The following CAMK4 variants were observed in gnomAD, a reference collection of about 807,000 sequenced individuals.
The protein encoded by CAMK4 is calcium/calmodulin dependent protein kinase IV.
In CAMK4, 22 loss-of-function variants were observed where a neutral mutation model predicts 44.9. The observed-to-expected ratio is 0.49, with a 90% CI of 0.35 to 0.70. The LOEUF is 0.70. CAMK4 is among the 30% of genes least tolerant of loss of function. CAMK4 has a pLI of 0.01. For synonymous variants in CAMK4, 218 were observed against 215.4 expected (o/e 1.01, Z -0.11); for missense variants, 498 against 586.8 (o/e 0.85, Z 1.56).
intron 1 of CAMK4, among the ~76,000 whole-genome samples, chr5:111,256,982 C>T (rs1348477256): frequency 1.3e-5 from 2 of 152,092 alleles, no homozygotes; most frequent in South Asian, 2.1e-4. Flanking sequence ...TTTCTTTACA[C>T]CTTATACAAA....
At chr5:111,355,318 G>T (rs1158965470) in intron 2 of CAMK4, among the ~76,000 whole-genome samples, 1 of 152,034 alleles carries the variant, frequency 6.6e-6, no homozygotes, top group Non-Finnish European at 1.5e-5. Flanking sequence ...ATGTATATAA[G>T]AGAGCAAAGG....
intron 1 of CAMK4, among the ~76,000 whole-genome samples, chr5:111,309,088 A>G (rs1748087347): frequency 6.6e-6 from 1 of 152,182 alleles, no homozygotes; most frequent in Non-Finnish European, 1.5e-5. Flanking sequence ...TTGAGTTCAA[A>G]CAAACAAAGC....
chr5:111,491,671 T>G lies in CAMK4; in HGVS notation c.*7205T>G, dbSNP rs983786565. 5 of 152,204 alleles carry G rather than the reference T, an allele frequency of 3.3e-5. No homozygotes were observed. The highest frequency in any genetic ancestry group is 1.2e-4 in the African/African-American group (5 of 41,462). 9.4% of individuals were successfully genotyped at this position (152,204 alleles called of 1,614,324 possible). On this transcript the variant is annotated 3_prime_UTR_variant, in exon 11 of 11. Coordinates refer to ENST00000282356, the MANE Select transcript of CAMK4 (RefSeq NM_001744.6). ...AGAATTAAAAAGATTTCTAGCACTT[T>G]GAGCATGTTTTAGAAATTTGATCCT...
rs576984799 is a variant in CAMK4, at chr5:111,405,259, A to G, written c.459+10477A>G. 3.9e-5 allele frequency among the ~76,000 whole-genome samples: 6 copies of G among 152,280 alleles called. No individual in the cohort carries two copies. The South Asian group carries it at 1.0e-3, about 26-fold the overall frequency. The stretch of plus-strand genomic sequence containing the variant: ...CCAAGGCGGGCGGATCACAAGGTCA[A>G]GAAATTGAGACCATCCTGGCCAACG... On this transcript the variant is annotated intron_variant, in intron 5 of 10. Transcript: ENST00000282356.
chr5:111,281,418 AG>A (rs1237453005), intron 1 of CAMK4, among the ~76,000 whole-genome samples: 1 of 152,188 alleles, frequency 6.6e-6, no homozygotes, highest in Non-Finnish European at 1.5e-5. Context: ...ATTCTAGCCT[AG>A]ATATTGCTTG....
chr5:111,377,958 T>C lies in CAMK4; in HGVS notation c.386+1016T>C, dbSNP rs555424869. On this transcript the variant is annotated intron_variant, in intron 4 of 10. Transcript: ENST00000282356. ...TGAATGGACTCTGAGGAGAAATATC[T>C]AAAGGGGATTAGTTTTGAATGCGTT... is the stretch of plus-strand genomic sequence containing the variant. Among the ~76,000 whole-genome samples the C allele has an allele frequency of 6.6e-5, 10 of 152,210 alleles. No homozygotes were observed. In the South Asian group the frequency reaches 2.1e-3, roughly 32 times the overall value.
intron 1 of CAMK4, among the ~76,000 whole-genome samples, chr5:111,292,494 A>G (rs1275101137): frequency 6.6e-6 from 1 of 152,148 alleles, no homozygotes; most frequent in Non-Finnish European, 1.5e-5. Flanking sequence ...ATACAGTAAA[A>G]GCCCACCTTA....
At chr5:111,258,397 A>C (rs964466549) in intron 1 of CAMK4, among the ~76,000 whole-genome samples, 1 of 152,152 alleles carries the variant, frequency 6.6e-6, no homozygotes, top group Non-Finnish European at 1.5e-5. Context: ...ACACACCCAA[A>C]ACTGGGAACA....
At chr5:111,244,599 A>C (rs1160642963) in intron 1 of CAMK4, among the ~76,000 whole-genome samples, 3 of 152,234 alleles carry the variant, frequency 2.0e-5, no homozygotes, top group African/African-American at 7.2e-5. Context: ...GCAGTGGCAC[A>C]CGCCTGTAAT....
At chr5:111,410,042 A>T (rs1752575655) in intron 5 of CAMK4, among the ~76,000 whole-genome samples, 1 of 151,662 alleles carries the variant, frequency 6.6e-6, no homozygotes, top group Admixed American at 6.6e-5. Context: ...AGCCCTCTAA[A>T]CTCTTTCAAC....
intron 5 of CAMK4, among the ~76,000 whole-genome samples, chr5:111,395,121 A>G (rs1561683): frequency 0.36 from 53,182 of 149,290 alleles, 10,547 homozygotes; most frequent in South Asian, 0.51. Flanking sequence ...AAGCACAAGA[A>G]TTGCTTGAAC....
chr5:111,427,635 G>A (rs1021467432), intron 5 of CAMK4, among the ~76,000 whole-genome samples: 1 of 152,234 alleles, frequency 6.6e-6, no homozygotes. Flanking sequence ...GGTGGTAGTG[G>A]CTATGGGCTG....
intron 5 of CAMK4, among the ~76,000 whole-genome samples, chr5:111,429,497 T>G (rs1753353254): frequency 6.7e-6 from 1 of 149,944 alleles, no homozygotes; most frequent in Non-Finnish European, 1.5e-5. Context: ...CCAGGTGGAG[T>G]GGCTCACACT....
chr5:111,475,892 C>T (rs1285415544), intron 8 of CAMK4, among the ~76,000 whole-genome samples: 1 of 152,184 alleles, frequency 6.6e-6, no homozygotes, highest in African/African-American at 2.4e-5. Flanking sequence ...CCTCTAACAT[C>T]TCACTCATTT....
At chr5:111,369,453 T>A (rs987015874) in intron 2 of CAMK4, among the ~76,000 whole-genome samples, 19 of 152,190 alleles carry the variant, frequency 1.2e-4, no homozygotes, top group Non-Finnish European at 1.0e-4. Context: ...TACTAATTTT[T>A]AAAATTACAA....
chr5:111,263,386 T>C (rs1328224025), intron 1 of CAMK4, among the ~76,000 whole-genome samples: 1 of 152,238 alleles, frequency 6.6e-6, no homozygotes, highest in African/African-American at 2.4e-5. Context: ...CAGTGAAGGC[T>C]GTTAAGGGAC....
At chr5:111,409,388 G>A (rs537608654) in intron 5 of CAMK4, among the ~76,000 whole-genome samples, 1 of 152,184 alleles carries the variant, frequency 6.6e-6, no homozygotes, top group Non-Finnish European at 1.5e-5. Context: ...CATGGCTGGA[G>A]CTGAAGCAGC....
intron 1 of CAMK4, among the ~76,000 whole-genome samples, chr5:111,291,068 G>A: frequency 6.6e-6 from 1 of 152,090 alleles, no homozygotes; most frequent in Non-Finnish European, 1.5e-5. Flanking sequence ...AACTTTTAAT[G>A]AATCCCTCAT....
At chr5:111,455,102 A>G (rs754229270) in intron 7 of CAMK4, among the ~76,000 whole-genome samples, 1 of 152,202 alleles carries the variant, frequency 6.6e-6, no homozygotes, top group South Asian at 2.1e-4. Context: ...TAAGCATAAC[A>G]GTGTTTTGCT....
Sources: gnomAD v4.1 joint callset for allele counts (sites outside exome capture counted in the v4.1 genomes callset) on GRCh38, gnomAD v4.1.1 for gene constraint, MANE v1.5 for transcripts, NCBI Gene and HGNC (gene_info 2026-07-23, HGNC 2026-07-21) for gene names.